MRPL32: variants seen among roughly 807,000 people sequenced by gnomAD.
MRPL32 encodes mitochondrial ribosomal protein L32.
A neutral mutation model predicts 21.7 loss-of-function variants in MRPL32; 14 were observed. The ratio of observed to expected loss-of-function variants is 0.64; its 90% CI spans 0.43 to 1.01. The LOEUF is 1.01. Ranked by LOEUF, MRPL32 falls within the 50% of genes least tolerant of loss-of-function variation. The pLI, the probability that MRPL32 is intolerant of heterozygous loss-of-function variation, is 0.00. For synonymous variants in MRPL32, 83 were observed against 87.7 expected (o/e 0.95, Z 0.30); for missense variants, 211 against 235.9 (o/e 0.89, Z 0.69).
At chr7:42,933,058 C>T (rs1218694528) in intron 1 of MRPL32, among the ~76,000 whole-genome samples, 1 of 152,174 alleles carries the variant, frequency 6.6e-6, no homozygotes, top group Non-Finnish European at 1.5e-5. Context: ...CCTATCCTTC[C>T]TAATGATTAG....
chr7:42,932,651 A>G (rs1786343699), intron 1 of MRPL32, 135 bp downstream of exon 1: 1 of 904,916 alleles, frequency 1.1e-6, no homozygotes, highest in Non-Finnish European at 1.6e-6. Flanking sequence ...AGTTCGTGAC[A>G]TTCCCATATT....
chr7:42,935,172 A>C lies in MRPL32; in HGVS notation c.312+36A>C, dbSNP rs370894811. On this transcript the variant is annotated intron_variant, in intron 2 of 2. Coordinates refer to ENST00000223324, the MANE Select transcript of MRPL32 (RefSeq NM_031903.3). ...GATTTTTGTGGGTGTGCTTTTCCTCAAGTCCTCCATTGAATAAGCTCATGG... is the reference window on the plus strand; with the variant it reads ...GATTTTTGTGGGTGTGCTTTTCCTCCAGTCCTCCATTGAATAAGCTCATGG... The C allele has an allele frequency of 8.7e-4, 1,367 of 1,566,732 alleles. 4 individuals carry two copies. The highest frequency in any genetic ancestry group is 1.1e-3 in the Non-Finnish European group (1,243 of 1,147,674).
At chr7:42,936,849 C>A in intron 2 of MRPL32, 1 of 247,396 alleles carries the variant, frequency 4.0e-6, no homozygotes. Context: ...TTGAATTACA[C>A]TGTGATAAAA....
chr7:42,937,680 T>A lies in MRPL32; in HGVS notation c.*104T>A. ...TTGTTTTTAAATCATCAGTATAGTT[T>A]AACACATTCTTTCTAAGCAGTTTTG... On this transcript the variant is annotated 3_prime_UTR_variant, in exon 3 of 3. Transcript: ENST00000223324. 8.3e-7 allele frequency: 1 copy of A among 1,207,008 alleles called. No individual in the cohort carries two copies. Among genetic ancestry groups the A allele is most frequent in the Non-Finnish European group, 1.1e-6 (1 of 885,300 alleles). The allele number at this position is 1,207,008 out of a possible 1,614,324, so 74.8% of individuals were successfully genotyped here.
intron 2 of MRPL32, chr7:42,937,016 A>G: frequency 2.5e-6 from 1 of 407,098 alleles, no homozygotes; most frequent in Non-Finnish European, 4.6e-6. Context: ...TTTGATATTT[A>G]GTATTTGGAG....
chr7:42,937,166 T>C, intron 2 of MRPL32, 156 bp from the exon 3 acceptor site: 1 of 1,543,600 alleles, frequency 6.5e-7, no homozygotes, highest in Non-Finnish European at 8.7e-7. Context: ...GTCTTCAGTC[T>C]TCCTGTTAAA....
At chr7:42,937,300 G>A (rs756974538) in intron 2 of MRPL32, 22 bp from the exon 3 acceptor site, 52 of 1,612,566 alleles carry the variant, frequency 3.2e-5, no homozygotes, top group Admixed American at 2.5e-4. Flanking sequence ...GTTAAAATAC[G>A]TTTTTGTTTA....
intron 2 of MRPL32, 160 bp downstream of exon 2, chr7:42,935,296 A>T: frequency 3.3e-6 from 2 of 599,834 alleles, no homozygotes; most frequent in South Asian, 4.8e-5. Flanking sequence ...ATACATAATG[A>T]GAAGGCTAGA....
chr7:42,937,352 C>A lies in MRPL32; in HGVS notation c.343C>A (p.His115Asn). The change falls in exon 3 of 3, where the codon CAC becomes AAC. Residue 115 changes from histidine to asparagine, a missense_variant. By Grantham distance (68) the His-to-Asn change is moderately conservative. This residue lies in a region of MRPL32 where 130 missense variants were observed against 180.1 expected (regional missense o/e 0.72). Transcript: ENST00000223324. ...CATAGACGTTTGTCCTGAATGTGGT[C>A]ACCTGAAACAGAAACATGTCCTTTG... ...NNIDVCPECG[H>N]LKQKHVLCAY... 6.2e-7 allele frequency: 1 copy of A among 1,614,158 alleles called. No individual in the cohort carries two copies. The highest frequency in any genetic ancestry group is 1.1e-5 in the South Asian group (1 of 91,056).
At position 42,935,054 on chromosome 7, in the gene MRPL32, G is replaced by T. The variant is rs1786403300; in HGVS notation, c.230G>T (p.Trp77Leu). ...TCCAGCCTTTTGGACAGTATCTTTT[G>T]GATGGCAGCTCCCAAAAATAGACGC... is the stretch of plus-strand genomic sequence containing the variant. ...ENSSLLDSIF[W>L]MAAPKNRRTI... The change falls in exon 2 of 3, where the codon TGG becomes TTG. Residue 77 changes from tryptophan (W) to leucine (L), a missense_variant. Transcript: ENST00000223324. 2 of 1,614,076 alleles carry T rather than the reference G, an allele frequency of 1.2e-6. No individual in the cohort carries two copies. Among genetic ancestry groups the T allele is most frequent in the Non-Finnish European group, 1.7e-6 (2 of 1,179,990 alleles).
At chr7:42,937,042 ATTTCTTT>A in intron 2 of MRPL32, 1 of 529,700 alleles carries the variant, frequency 1.9e-6, no homozygotes, top group South Asian at 1.7e-5. Context: ...GGAAATGAGT[ATTTCTTT>A]TTTCTTTTTT....
chr7:42,932,724 C>G (rs1786347812), intron 1 of MRPL32, among the ~76,000 whole-genome samples: 2 of 151,468 alleles, frequency 1.3e-5, no homozygotes, highest in South Asian at 4.2e-4. Flanking sequence ...AAAAAAATTC[C>G]TCTGCTTGTT....
rs142529352 is a variant in MRPL32 at position 42,937,538 on chromosome 7, C to T, written c.529C>T (p.Arg177Ter). 2.5e-3 allele frequency: 4,027 copies of T among 1,613,490 alleles called. 5 individuals are homozygous for T. The highest frequency in any genetic ancestry group is 3.1e-3 in the Non-Finnish European group (3,668 of 1,179,696). ...EQDQGKRIIE[R>*]DRKRPSWFTQ... ...AGATCAGGGCAAGAGGATCATTGAA[C>T]GAGACAGAAAGCGACCATCCTGGTT... is the stretch of plus-strand genomic sequence containing the variant. The change falls in exon 3 of 3, where the codon CGA becomes TGA. Residue 177 changes from arginine (R) to a stop codon, truncating the protein, a stop_gained. Transcript: ENST00000223324. LOFTEE classifies it high-confidence loss of function.
chr7:42,932,731 T>A (rs1786348093), intron 1 of MRPL32, among the ~76,000 whole-genome samples: 1 of 152,026 alleles, frequency 6.6e-6, no homozygotes, highest in Non-Finnish European at 1.5e-5. Context: ...TTCCTCTGCT[T>A]GTTCCATTCG....
chr7:42,937,319 A>T lies in MRPL32; in HGVS notation c.313-3A>T, dbSNP rs1220255876. The T allele has an allele frequency of 6.2e-7, 1 of 1,613,590 alleles. No homozygotes were observed. Among genetic ancestry groups the T allele is most frequent in the South Asian group, 1.1e-5 (1 of 91,062 alleles). On this transcript the variant is annotated splice_region_variant and splice_polypyrimidine_tract_variant and intron_variant, in intron 2 of 2. Coordinates refer to ENST00000223324, the MANE Select transcript of MRPL32 (RefSeq NM_031903.3). ...AAATACGTTTTTGTTTATTGTTTTA[A>T]AGAACAACATAGACGTTTGTCCTGA...
intron 1 of MRPL32, 29 bp downstream of exon 1, chr7:42,932,545 G>A (rs531875517): frequency 2.5e-6 from 4 of 1,572,482 alleles, no homozygotes; most frequent in Admixed American, 3.6e-5. Context: ...CGTGGGAGAG[G>A]GGGCTGATGA....
intron 2 of MRPL32, chr7:42,935,437 TG>T (rs1786408722): frequency 4.7e-6 from 1 of 211,664 alleles, no homozygotes; most frequent in African/African-American, 2.3e-5. Context: ...TCTTGAGCTG[TG>T]TGAGTTTTGA....
rs1173313362 is a variant in MRPL32 at position 42,937,361 on chromosome 7, CAG to C, written c.354_355del (p.Lys119ThrfsTer9). On this transcript the variant is annotated frameshift_variant, in exon 3 of 3. Transcript: ENST00000223324. LOFTEE classifies it high-confidence loss of function. ...DVCPECGHLK[Q>X]KHVLCAYCYE... The stretch of plus-strand genomic sequence containing the variant: ...TTGTCCTGAATGTGGTCACCTGAAA[CAG>C]AAACATGTCCTTTGTGCCTACTGCT... The C allele has an allele frequency of 1.2e-6, 2 of 1,614,172 alleles. No homozygotes were observed. The highest frequency in any genetic ancestry group is 1.6e-4 in the Middle Eastern group (1 of 6,062).
chr7:42,937,512 A>G lies in MRPL32; in HGVS notation c.503A>G (p.Gln168Arg). ...VLYTGETPSEQDQGKRIIERD... is the reference protein window; with the variant it reads ...VLYTGETPSERDQGKRIIERD... ...TACACGGGAGAGACACCGTCTGAAC[A>G]AGATCAGGGCAAGAGGATCATTGAA... Residue 168 changes from glutamine (Q) to arginine (R), a missense_variant, in exon 3 of 3, where the codon CAA becomes CGA. Around this residue, in one of 2 missense-constraint regions of MRPL32, gnomAD observed 130 missense variants for 180.1 expected, o/e 0.72. Coordinates refer to ENST00000223324, the MANE Select transcript of MRPL32 (RefSeq NM_031903.3). The G allele has an allele frequency of 6.2e-7, 1 of 1,614,146 alleles. No homozygotes were observed. Among genetic ancestry groups the G allele is most frequent in the Non-Finnish European group, 8.5e-7 (1 of 1,180,020 alleles).
Sources: allele counts gnomAD v4.1 joint callset (sites outside exome capture counted in the v4.1 genomes callset), GRCh38; gene constraint gnomAD v4.1.1; regional missense constraint gnomAD v4.1.1; transcripts MANE v1.5; gene names NCBI Gene and HGNC (gene_info 2026-07-23, HGNC 2026-07-21).